RHOT1: variants seen among roughly 807,000 people sequenced by gnomAD.
RHOT1 encodes the protein mitochondrial Rho GTPase 1.
In RHOT1, 27 loss-of-function variants were observed where a neutral mutation model predicts 95.3. The observed-to-expected ratio is 0.28, with a 90% CI of 0.21 to 0.39. The LOEUF (loss-of-function observed/expected upper bound fraction) is 0.39, where lower values mean the gene tolerates loss of function less well. Among genes scored for constraint, RHOT1 ranks in the 10% least tolerant of loss-of-function variants. RHOT1 has a pLI of 1.00. For synonymous variants in RHOT1, 227 were observed against 263.5 expected, an observed-to-expected ratio of 0.86 and a Z score of 1.34; for missense variants, 578 against 786.7, an observed-to-expected ratio of 0.73 and a Z score of 3.17.
chr17:32,212,477 A>G (rs777878445), intron 19 of RHOT1, among the ~76,000 whole-genome samples: 16 of 152,210 alleles, frequency 1.1e-4, no homozygotes, highest in Non-Finnish European at 1.9e-4. Flanking sequence ...GATGACTGAC[A>G]GAAAATGCAA....
At chr17:32,202,048 A>C (rs1003490154) in intron 14 of RHOT1, among the ~76,000 whole-genome samples, 3 of 152,158 alleles carry the variant, frequency 2.0e-5, no homozygotes, top group Admixed American at 1.3e-4. Flanking sequence ...AGTAGCTGGG[A>C]CTACAGGCAT....
chr17:32,200,775 CA>C (rs367743557), intron 13 of RHOT1, among the ~76,000 whole-genome samples, 180 bp from the exon 14 acceptor site: 1,469 of 110,366 alleles, frequency 0.013, 8 homozygotes, highest in African/African-American at 0.031. Context: ...CCCTATCTTT[CA>C]AAAAAAAAAA....
chr17:32,175,988 C>T lies in RHOT1; in HGVS notation c.249C>T (p.Ala83=), dbSNP rs549475268. The stretch of plus-strand genomic sequence containing the variant: ...CTAATGTCATCTGTATAGTGTATGC[C>T]GTTAACAACAAGCATTCTATTGATA... ...SQANVICIVY[A]VNNKHSIDKV... Residue 83 remains alanine (A), a synonymous_variant, in exon 5 of 20, where the codon GCC becomes GCT. Transcript: ENST00000545287. The T allele has an allele frequency of 2.6e-5, 42 of 1,602,532 alleles. No homozygotes were observed. Among genetic ancestry groups the T allele is most frequent in the South Asian group, 1.1e-4 (10 of 88,638 alleles).
chr17:32,187,336 T>G (rs2142721772), intron 8 of RHOT1, among the ~76,000 whole-genome samples: 2 of 152,126 alleles, frequency 1.3e-5, no homozygotes, highest in Middle Eastern at 6.8e-3. Flanking sequence ...CAGGCTGGTC[T>G]TGAACTCCTG....
intron 1 of RHOT1, 23 bp downstream of exon 1, chr17:32,142,752 G>T: frequency 6.7e-7 from 1 of 1,497,800 alleles, no homozygotes; most frequent in Non-Finnish European, 8.9e-7. Context: ...CCTCTGGCCG[G>T]CCCCTGAGTC....
chr17:32,179,880 AG>A (rs2035458467), intron 6 of RHOT1: 1 of 135,232 alleles, frequency 7.4e-6, no homozygotes, highest in African/African-American at 3.2e-5. Flanking sequence ...GGAAATGGGA[AG>A]CGCCTCTGCC....
intron 15 of RHOT1, 82 bp downstream of exon 15, chr17:32,202,982 C>G: frequency 2.2e-6 from 3 of 1,388,370 alleles, no homozygotes; most frequent in Non-Finnish European, 3.0e-6. Flanking sequence ...AGCCATTGAC[C>G]TTTTTAGATA....
intron 16 of RHOT1, among the ~76,000 whole-genome samples, chr17:32,204,277 G>T (rs1319378309): frequency 2.6e-5 from 4 of 151,936 alleles, no homozygotes; most frequent in Non-Finnish European, 4.4e-5. Context: ...TTGGCTAGGC[G>T]TGGTGGCTCA....
intron 1 of RHOT1, chr17:32,151,434 C>G: frequency 1.6e-6 from 1 of 632,234 alleles, no homozygotes; most frequent in Non-Finnish European, 2.9e-6. Flanking sequence ...GGTGGTATCA[C>G]CTTCATGTTG....
intron 19 of RHOT1, among the ~76,000 whole-genome samples, chr17:32,216,161 G>A (rs946806390): frequency 6.6e-6 from 1 of 152,054 alleles, no homozygotes; most frequent in Non-Finnish European, 1.5e-5. Flanking sequence ...TGCTTTGCAT[G>A]AGAATGTTAC....
chr17:32,214,330 G>A (rs1396154359), intron 19 of RHOT1, among the ~76,000 whole-genome samples: 2 of 152,204 alleles, frequency 1.3e-5, no homozygotes, highest in East Asian at 3.8e-4. Context: ...TACAGGTCTG[G>A]TGTTGCCAGG....
intron 12 of RHOT1, 111 bp from the exon 13 acceptor site, chr17:32,199,294 G>A: frequency 2.9e-6 from 3 of 1,021,132 alleles, no homozygotes; most frequent in Non-Finnish European, 4.3e-6. Flanking sequence ...AAAATTTGTT[G>A]TCATTTATTA....
At chr17:32,150,375 G>A in intron 1 of RHOT1, 1 of 384,370 alleles carries the variant, frequency 2.6e-6, no homozygotes, top group Non-Finnish European at 4.6e-6. Flanking sequence ...TTTTTCATGT[G>A]TAAGATGCAA....
chr17:32,187,045 G>A (rs1271253545), intron 8 of RHOT1, among the ~76,000 whole-genome samples: 1 of 151,916 alleles, frequency 6.6e-6, no homozygotes, highest in African/African-American at 2.4e-5. Context: ...CCAGCACTTT[G>A]GGAGGCTGAG....
At chr17:32,176,349 T>C (rs1456545057) in intron 6 of RHOT1, 136 bp downstream of exon 6, 27 of 683,500 alleles carry the variant, frequency 4.0e-5, no homozygotes, top group Non-Finnish European at 6.1e-5. Context: ...GTTTGCCTTA[T>C]CTATCAGTTT....
At chr17:32,211,862 C>G (rs1446112557) in intron 19 of RHOT1, among the ~76,000 whole-genome samples, 1 of 151,454 alleles carries the variant, frequency 6.6e-6, no homozygotes, top group Non-Finnish European at 1.5e-5. Flanking sequence ...TATAATTGAA[C>G]CAAAAGCATG....
intron 18 of RHOT1, 35 bp downstream of exon 18, chr17:32,208,344 G>T: frequency 2.6e-6 from 4 of 1,545,822 alleles, no homozygotes; most frequent in South Asian, 2.2e-5. Flanking sequence ...CATGTTGCAT[G>T]GTTCATAACA....
chr17:32,152,598 AAAAG>A (rs974824058), intron 1 of RHOT1, among the ~76,000 whole-genome samples: 2 of 152,146 alleles, frequency 1.3e-5, no homozygotes, highest in African/African-American at 2.4e-5. Flanking sequence ...TCTGAAAAAA[AAAAG>A]AGAGAGAGAG....
intron 1 of RHOT1, chr17:32,159,246 G>A (rs538969964): frequency 8.5e-4 from 129 of 152,640 alleles, no homozygotes; most frequent in African/African-American, 2.6e-3. Context: ...ATGTGGAGAG[G>A]AGGCATGTAG....
Sources: gnomAD v4.1 joint callset for allele counts (sites outside exome capture counted in the v4.1 genomes callset) on GRCh38, gnomAD v4.1.1 for gene constraint, MANE v1.5 for transcripts, NCBI Gene and HGNC (gene_info 2026-07-23, HGNC 2026-07-21) for gene names.